LINC02747: variants seen among roughly 807,000 people sequenced by gnomAD.
LINC02747 encodes long independently transcribed non-coding RNA 2747.
upstream of LINC02747, chr11:69,481,563 G>A (rs1222130152): frequency 1.3e-5 from 2 of 152,310 alleles, no homozygotes; most frequent in Non-Finnish European, 2.9e-5. Flanking sequence ...CGGAGGCTGG[G>A]GGCAGCCATA....
At chr11:69,481,422 T>A (rs1857047301) in intron 1 of LINC02747, 1 of 152,408 alleles carries the variant, frequency 6.6e-6, no homozygotes, top group Non-Finnish European at 1.5e-5. Flanking sequence ...GACCTCCCAC[T>A]CACCCCCTCG....
chr11:69,480,520 G>A (rs1216863554), intron 1 of LINC02747, among the ~76,000 whole-genome samples: 1 of 152,212 alleles, frequency 6.6e-6, no homozygotes, highest in Non-Finnish European at 1.5e-5. Context: ...TGAGTCTTGG[G>A]AAATTGAGAA....
chr11:69,478,129 T>C (rs1286339718), intron 1 of LINC02747, among the ~76,000 whole-genome samples: 9 of 152,082 alleles, frequency 5.9e-5, no homozygotes, highest in African/African-American at 2.2e-4. Flanking sequence ...CGCTGCTCCA[T>C]AGAAAACAGA....
At chr11:69,481,257 G>T (rs1371676752) in intron 1 of LINC02747, among the ~76,000 whole-genome samples, 1 of 152,204 alleles carries the variant, frequency 6.6e-6, no homozygotes, top group Non-Finnish European at 1.5e-5. Context: ...CCATTAGAAT[G>T]GGGCTTGTGA....
At chr11:69,480,367 G>A (rs1332829912) in intron 1 of LINC02747, among the ~76,000 whole-genome samples, 4 of 152,202 alleles carry the variant, frequency 2.6e-5, no homozygotes, top group African/African-American at 9.6e-5. Flanking sequence ...GAGAGGAGCT[G>A]GGGGCCCCTG....
intron 1 of LINC02747, chr11:69,481,356 G>T (rs1180763059): frequency 2.0e-5 from 3 of 152,280 alleles, no homozygotes. Flanking sequence ...AAGTGGCAGG[G>T]GCCCTGAAAG....
chr11:69,478,900 CATA>C (rs1316289526), intron 1 of LINC02747, among the ~76,000 whole-genome samples: 2 of 151,396 alleles, frequency 1.3e-5, no homozygotes, highest in Admixed American at 6.6e-5. Context: ...GGCAAGATAT[CATA>C]ATAAGTTTTT....
chr11:69,479,519 G>A lies in LINC02747; in HGVS notation n.121-1906C>T, dbSNP rs192716367. Among the ~76,000 whole-genome samples the A allele has an allele frequency of 7.2e-5, 11 of 152,276 alleles. No homozygotes were observed. In the East Asian group the frequency reaches 1.5e-3, roughly 21 times the overall value. On this transcript the variant is annotated intron_variant and non_coding_transcript_variant, in intron 1 of 1. Transcript: ENST00000645449. ...GTTGTGCACATTTGGGATGAGAGAAGGGTGCTGCAGGTGAGGAGAAGACAA... is the reference window on the plus strand; with the variant it reads ...GTTGTGCACATTTGGGATGAGAGAAAGGTGCTGCAGGTGAGGAGAAGACAA...
exon 2 of LINC02747, chr11:69,475,986 G>C (rs992783111): frequency 4.6e-5 from 7 of 152,234 alleles, no homozygotes; most frequent in African/African-American, 1.7e-4. Flanking sequence ...CCTGGAGAGC[G>C]TGCAGGGGAC....
At chr11:69,479,277 A>G (rs1163993688) in intron 1 of LINC02747, among the ~76,000 whole-genome samples, 1 of 140,230 alleles carries the variant, frequency 7.1e-6, no homozygotes, top group African/African-American at 2.8e-5. Flanking sequence ...AAAAAAAAAA[A>G]GAGAGAGAGA....
At chr11:69,480,884 C>T (rs1857042229) in intron 1 of LINC02747, among the ~76,000 whole-genome samples, 1 of 152,206 alleles carries the variant, frequency 6.6e-6, no homozygotes, top group Non-Finnish European at 1.5e-5. Context: ...CAGGCCTCTT[C>T]GATTCCCAAG....
intron 1 of LINC02747, among the ~76,000 whole-genome samples, chr11:69,479,241 T>TGA (rs1184678910): frequency 2.8e-5 from 3 of 107,416 alleles, no homozygotes; most frequent in African/African-American, 4.0e-5. Context: ...GGTGACAAAG[T>TGA]GAGACTCTGT....
Position 69,479,488 on chromosome 11 carries a change from C to T in LINC02747, n.121-1875G>A, listed in dbSNP as rs544116132. Among the ~76,000 whole-genome samples the T allele has an allele frequency of 1.8e-4, 27 of 152,220 alleles. 1 individual carries two copies. Among genetic ancestry groups the T allele is most frequent in the Admixed American group, 1.4e-3 (22 of 15,296 alleles). On this transcript the variant is annotated intron_variant and non_coding_transcript_variant, in intron 1 of 1. Transcript: ENST00000645449. ...GGTATTATTCTCATGAGCAGAAAAACGCCCTGTTGTGCACATTTGGGATGA... is the reference window on the plus strand; with the variant it reads ...GGTATTATTCTCATGAGCAGAAAAATGCCCTGTTGTGCACATTTGGGATGA...
At chr11:69,481,097 C>G (rs1166840498) in intron 1 of LINC02747, among the ~76,000 whole-genome samples, 1 of 152,230 alleles carries the variant, frequency 6.6e-6, no homozygotes, top group Non-Finnish European at 1.5e-5. Context: ...AGCACAGCTA[C>G]AAGCCCAGGA....
At chr11:69,478,021 G>A (rs1160272777) in intron 1 of LINC02747, among the ~76,000 whole-genome samples, 1 of 152,202 alleles carries the variant, frequency 6.6e-6, no homozygotes, top group Non-Finnish European at 1.5e-5. Flanking sequence ...TCTGCTTCGT[G>A]CCAGGCACTG....
chr11:69,478,565 G>A lies in LINC02747; in HGVS notation n.121-952C>T, dbSNP rs540160502. On this transcript the variant is annotated intron_variant and non_coding_transcript_variant, in intron 1 of 1. Coordinates refer to ENST00000645449, the Ensembl canonical transcript of LINC02747. ...GTTCCTAAAAAATAGCAATTAGGCTGGGCGAGGTGGCTCATGCCTGTAATC... is the reference window on the plus strand; with the variant it reads ...GTTCCTAAAAAATAGCAATTAGGCTAGGCGAGGTGGCTCATGCCTGTAATC... Among the ~76,000 whole-genome samples, 164 of 152,344 alleles carry A rather than the reference G, an allele frequency of 1.1e-3. 4 individuals carry two copies. The South Asian group carries it at 0.033, about 30-fold the overall frequency.
At chr11:69,478,989 T>G (rs1857021510) in intron 1 of LINC02747, among the ~76,000 whole-genome samples, 1 of 152,132 alleles carries the variant, frequency 6.6e-6, no homozygotes, top group Admixed American at 6.5e-5. Flanking sequence ...GTGCGGTGGC[T>G]CACGCCTGTA....
At chr11:69,478,605 G>A (rs1337061925) in intron 1 of LINC02747, among the ~76,000 whole-genome samples, 4 of 152,190 alleles carry the variant, frequency 2.6e-5, no homozygotes, top group South Asian at 2.1e-4. Context: ...CACTTTGGGA[G>A]GCTGAGGTGG....
At chr11:69,481,317 C>G (rs1857046349) in intron 1 of LINC02747, 1 of 152,330 alleles carries the variant, frequency 6.6e-6, no homozygotes, top group Admixed American at 6.5e-5. Flanking sequence ...TCTCAGGCCA[C>G]ACCCTGGGAC....
Sources: gnomAD v4.1 joint callset for allele counts (sites outside exome capture counted in the v4.1 genomes callset) on GRCh38, gnomAD v4.1.1 for gene constraint, MANE v1.5 for transcripts, NCBI Gene and HGNC (gene_info 2026-07-23, HGNC 2026-07-21) for gene names.